Variants in CKB observed in about 807,000 individuals in gnomAD.
CKB encodes the protein creatine kinase B-type.
A neutral mutation model predicts 36.9 loss-of-function variants in CKB; 15 were observed. The observed-to-expected ratio is 0.41, with a 90% CI of 0.27 to 0.63. CKB has a LOEUF of 0.63. CKB is among the 20% of genes least tolerant of loss of function. The pLI, the probability that CKB is intolerant of heterozygous loss-of-function variation, is 0.34. For synonymous variants in CKB, 250 were observed against 228.2 expected, an observed-to-expected ratio of 1.10 and a Z score of -0.86; for missense variants, 413 against 534.9, an observed-to-expected ratio of 0.77 and a Z score of 2.25.
At chr14:103,521,230 G>C (rs1302826213) in intron 5 of CKB, 33 bp downstream of exon 5, 4 of 1,550,926 alleles carry the variant, frequency 2.6e-6, no homozygotes, top group Non-Finnish European at 3.5e-6. Context: ...CGGGGAGGGA[G>C]GACGCCGCGA....
At position 103,522,225 on chromosome 14, in the gene CKB, C is replaced by T; in HGVS notation, c.194-48G>A. The T allele has an allele frequency of 4.4e-6, 7 of 1,574,940 alleles. No homozygotes were observed. The highest frequency in any genetic ancestry group is 4.3e-6 in the Non-Finnish European group (5 of 1,162,794). ...GGGACAGTGACGTCACTGCCGGGCC[C>T]GAGCGCGCTGCTGAGGACCCTGCGG... On this transcript the variant is annotated intron_variant, in intron 2 of 7. Coordinates refer to ENST00000348956, the MANE Select transcript of CKB (RefSeq NM_001823.5). The surrounding 1 kb of genome is among the most constrained non-coding windows in gnomAD (Gnocchi z 6.7).
intron 6 of CKB, 70 bp downstream of exon 6, chr14:103,520,399 G>A (rs1397507125): frequency 2.5e-6 from 4 of 1,587,544 alleles, no homozygotes; most frequent in East Asian, 2.2e-5. Flanking sequence ...AATCCCCCGG[G>A]GGGACTGATG....
intron 4 of CKB, 78 bp downstream of exon 4, chr14:103,521,740 A>C: frequency 7.7e-7 from 1 of 1,299,582 alleles, no homozygotes; most frequent in African/African-American, 1.6e-5. Flanking sequence ...CTCCCGGGCG[A>C]CGTAAACAAA....
In CKB at chr14:103,521,964, C is replaced by T; in HGVS notation, c.349-14G>A. 2 of 1,562,246 alleles carry T rather than the reference C, an allele frequency of 1.3e-6. No homozygotes were observed. Among genetic ancestry groups the T allele is most frequent in the East Asian group, 2.3e-5 (1 of 43,024 alleles). ...GTCGTCGCCGCCCTGGGAGGCGAGACGGGAGTGAGCGCCCGAAGACCCCGG... is the reference window on the plus strand; with the variant it reads ...GTCGTCGCCGCCCTGGGAGGCGAGATGGGAGTGAGCGCCCGAAGACCCCGG... On this transcript the variant is annotated splice_polypyrimidine_tract_variant and intron_variant, in intron 3 of 7. Coordinates refer to ENST00000348956, the MANE Select transcript of CKB (RefSeq NM_001823.5).
chr14:103,522,167 G>A lies in CKB; in HGVS notation c.204C>T (p.Tyr68=). 1.2e-6 allele frequency: 2 copies of A among 1,604,628 alleles called. No homozygotes were observed. The highest frequency in any genetic ancestry group is 1.7e-6 in the Non-Finnish European group (2 of 1,176,276). The change falls in exon 3 of 8, where the codon TAC becomes TAT. Residue 68 remains tyrosine (Y), a synonymous_variant. Transcript: ENST00000348956. This position sits in a 1 kb window ranked among gnomAD's most constrained non-coding sequence, Gnocchi z 6.7. ...QTGVDNPGHP[Y]IMTVGCVAGD... ...CCGCCACGCAGCCCACGGTCATGAT[G>A]TACGGGTGGCCTGGGGGAGGGGGCG... is the stretch of plus-strand genomic sequence containing the variant.
In CKB at chr14:103,519,858, C is replaced by A. The variant is rs763246599; in HGVS notation, c.*6G>T. 10 of 1,596,572 alleles carry A rather than the reference C, an allele frequency of 6.3e-6. No homozygotes were observed. The highest frequency in any genetic ancestry group is 8.5e-6 in the Non-Finnish European group (10 of 1,176,068). ...AGCAGGGCTGGTGTCGGGTGTGGGCCGGGCTTCATTTCTGGGCAGGCATGA... is the reference window on the plus strand; with the variant it reads ...AGCAGGGCTGGTGTCGGGTGTGGGCAGGGCTTCATTTCTGGGCAGGCATGA... On this transcript the variant is annotated 3_prime_UTR_variant, in exon 8 of 8. Coordinates refer to ENST00000348956, the MANE Select transcript of CKB (RefSeq NM_001823.5).
chr14:103,520,339 A>G (rs1188693902), intron 6 of CKB, 28 bp from the exon 7 acceptor site: 1 of 1,592,434 alleles, frequency 6.3e-7, no homozygotes, highest in African/African-American at 1.3e-5. Flanking sequence ...GGTATGAGGG[A>G]GAAGGCCTGC....
chr14:103,521,697 C>T, intron 4 of CKB, 121 bp downstream of exon 4: 2 of 1,161,574 alleles, frequency 1.7e-6, no homozygotes, highest in South Asian at 2.3e-5. Flanking sequence ...TGAACCCGGG[C>T]GCGCGCAGAT....
intron 4 of CKB, 142 bp from the exon 5 acceptor site, chr14:103,521,576 G>T: frequency 1.0e-6 from 1 of 973,388 alleles, no homozygotes; most frequent in Non-Finnish European, 1.4e-6. Context: ...AGTCCTCACG[G>T]CCCGGGCGAC....
At chr14:103,520,785 CCATCATGCGCTGT>C (rs1325015295) in intron 5 of CKB, 193 bp from the exon 6 acceptor site, 1 of 775,008 alleles carries the variant, frequency 1.3e-6, no homozygotes, top group Non-Finnish European at 2.0e-6. Context: ...ACCCCAGCTG[CCATCATGCGCTGT>C]GGCCTGAGGT....
At position 103,520,481 on chromosome 14, in the gene CKB, G is replaced by A. The variant is rs775905075; in HGVS notation, c.765C>T (p.Thr255=). 6.2e-7 allele frequency: 1 copy of A among 1,602,016 alleles called. No individual in the cohort carries two copies. The highest frequency in any genetic ancestry group is 8.5e-7 in the Non-Finnish European group (1 of 1,174,224). The part of the protein sequence containing the change: ...NMKEVFTRFC[T]GLTQIETLFK... The stretch of plus-strand genomic sequence containing the variant: ...CCGTCCCTGGCACCTGGGTGAGGCC[G>A]GTGCAGAAGCGGGTGAACACCTCCT... Residue 255 remains threonine, a synonymous_variant, in exon 6 of 8, where the codon ACC becomes ACT. Coordinates refer to ENST00000348956, the MANE Select transcript of CKB (RefSeq NM_001823.5).
rs1018814478 is a variant in CKB at position 103,522,389 on chromosome 14, G to A, written c.105C>T (p.Thr35=). ...CGCGCAGCTCCGCGTACAGCTCGGG[G>A]GTCAGCACCTTGGCCATGTGGTTGT... ...AHNNHMAKVL[T]PELYAELRAK... is the part of the protein sequence containing the mutation. Residue 35 remains threonine, a synonymous_variant, in exon 2 of 8, where the codon ACC becomes ACT. Transcript: ENST00000348956. The surrounding 1 kb of genome is among the most constrained non-coding windows in gnomAD (Gnocchi z 6.7). 6 of 1,611,054 alleles carry A rather than the reference G, an allele frequency of 3.7e-6. No individual in the cohort carries two copies. In the African/African-American group the frequency reaches 8.0e-5, roughly 22 times the overall value.
intron 5 of CKB, chr14:103,520,838 C>T: frequency 1.9e-6 from 1 of 534,826 alleles, no homozygotes; most frequent in East Asian, 3.6e-5. Flanking sequence ...CCAGGACAGC[C>T]CGACCCGCCC....
At position 103,519,856 on chromosome 14, in the gene CKB, G is replaced by A. The variant is rs1027481736; in HGVS notation, c.*8C>T. Reference sequence around the variant, plus strand: ...GCAGCAGGGCTGGTGTCGGGTGTGGGCCGGGCTTCATTTCTGGGCAGGCAT... The same window carrying A: ...GCAGCAGGGCTGGTGTCGGGTGTGGACCGGGCTTCATTTCTGGGCAGGCAT... On this transcript the variant is annotated 3_prime_UTR_variant, in exon 8 of 8. Transcript: ENST00000348956. 6.3e-7 allele frequency: 1 copy of A among 1,595,744 alleles called. No individual in the cohort carries two copies. The highest frequency in any genetic ancestry group is 1.7e-5 in the Admixed American group (1 of 59,732).
chr14:103,521,666 C>G, intron 4 of CKB, 152 bp downstream of exon 4: 1 of 1,044,060 alleles, frequency 9.6e-7, no homozygotes, highest in African/African-American at 1.7e-5. Flanking sequence ...GGGCCTCCGT[C>G]CCTCGGTCCC....
Position 103,522,593 on chromosome 14 carries a change from C to G in CKB, c.-12-88G>C. 1 of 906,362 alleles carries G rather than the reference C, an allele frequency of 1.1e-6. No homozygotes were observed. Among genetic ancestry groups the G allele is most frequent in the Non-Finnish European group, 1.5e-6 (1 of 673,872 alleles). 56.1% of individuals were successfully genotyped at this position (906,362 alleles called of 1,614,324 possible). A position where few individuals can be genotyped will look rare whatever the true frequency, so the allele number is the denominator to read the frequency against. On this transcript the variant is annotated intron_variant, in intron 1 of 7. Coordinates refer to ENST00000348956, the MANE Select transcript of CKB (RefSeq NM_001823.5). The surrounding 1 kb of genome is among the most constrained non-coding windows in gnomAD (Gnocchi z 6.7). The stretch of plus-strand genomic sequence containing the variant: ...ACTCAGGCCCCCGCCGCCGGGCCCC[C>G]CGGCGCCCCCCGGGACGCGGCCAAG...
Position 103,520,678 on chromosome 14 carries a change from G to A in CKB, c.654-86C>T, listed in dbSNP as rs998845951. 8 of 1,476,038 alleles carry A rather than the reference G, an allele frequency of 5.4e-6. No individual in the cohort carries two copies. In the African/African-American group the frequency reaches 9.8e-5, roughly 18 times the overall value. 91.4% of individuals were successfully genotyped at this position (1,476,038 alleles called of 1,614,324 possible). On this transcript the variant is annotated intron_variant, in intron 5 of 7. Transcript: ENST00000348956. ...AAGGAACTTCCCAAGTCCCTGAGGT[G>A]CTGCTCCCTGCCATGCCCAGGAGTG...
Position 103,522,080 on chromosome 14 carries a change from G to A in CKB, c.291C>T (p.His97=), listed in dbSNP as rs1281900343. The change falls in exon 3 of 8, where the codon CAC becomes CAT. Residue 97 remains histidine (H), a synonymous_variant. Transcript: ENST00000348956. The surrounding 1 kb of genome is among the most constrained non-coding windows in gnomAD (Gnocchi z 6.7). ...DLFDPIIEDR[H]GGYKPSDEHK... ...GCTCATCGCTGGGCTTGTAGCCGCC[G>A]TGCCGGTCCTCGATGATGGGGTCGA... 8 of 1,557,368 alleles carry A rather than the reference G, an allele frequency of 5.1e-6. No homozygotes were observed. Among genetic ancestry groups the A allele is most frequent in the Non-Finnish European group, 7.0e-6 (8 of 1,151,000 alleles).
Position 103,519,776 on chromosome 14 carries a change from A to G in CKB, c.*88T>C, listed in dbSNP as rs528956048. On this transcript the variant is annotated 3_prime_UTR_variant, in exon 8 of 8. Coordinates refer to ENST00000348956, the MANE Select transcript of CKB (RefSeq NM_001823.5). Reference sequence around the variant, plus strand: ...TCTACAGCAAGGCTAAGGGCTCGCCAGACGGCGAACATCAGGGGTGCATGG... The same window carrying G: ...TCTACAGCAAGGCTAAGGGCTCGCCGGACGGCGAACATCAGGGGTGCATGG... The G allele has an allele frequency of 3.7e-5, 53 of 1,446,114 alleles. No individual in the cohort carries two copies. In the East Asian group the frequency reaches 1.2e-3, roughly 33 times the overall value. 89.6% of individuals were successfully genotyped at this position (1,446,114 alleles called of 1,614,324 possible). A position where few individuals can be genotyped will look rare whatever the true frequency, so the allele number is the denominator to read the frequency against.
Sources: gnomAD v4.1 joint callset for allele counts on GRCh38, gnomAD v4.1.1 for gene constraint, Gnocchi (gnomAD v3.1) non-coding constraint, MANE v1.5 for transcripts, NCBI Gene and HGNC (gene_info 2026-07-23, HGNC 2026-07-21) for gene names.